The following DMD variants were observed in gnomAD, a reference collection of about 807,000 sequenced individuals.
DMD encodes dystrophin.
A neutral mutation model predicts 330.1 loss-of-function variants in DMD; 63 were observed. The observed-to-expected ratio is 0.19, with a 90% CI of 0.16 to 0.24. The LOEUF (loss-of-function observed/expected upper bound fraction) is 0.24. Among genes scored for constraint, DMD ranks in the 10% least tolerant of loss-of-function variants. DMD has a pLI of 1.00. For synonymous variants in DMD, 1,223 were observed against 959.8 expected (o/e 1.27, Z -5.07); for missense variants, 3,344 against 2,684.1 (o/e 1.25, Z -5.43).
At chrX:33,150,935 T>C (rs1432716732) in intron 1 of DMD, among the ~76,000 whole-genome samples, 1 of 111,707 alleles carries the variant, frequency 9.0e-6, no homozygotes, top group Non-Finnish European at 1.9e-5. Context: ...ATAGACTATT[T>C]TGAAGCAAAG....
At chrX:32,895,205 A>G (rs1393793151) in intron 2 of DMD, among the ~76,000 whole-genome samples, 1 of 112,428 alleles carries the variant, frequency 8.9e-6, no homozygotes, top group Non-Finnish European at 1.9e-5. Context: ...GGGCTTCAGC[A>G]TATGAATTTG....
intron 48 of DMD, among the ~76,000 whole-genome samples, chrX:31,853,614 G>A (rs1243716857): frequency 9.0e-6 from 1 of 111,369 alleles, no homozygotes; most frequent in African/African-American, 3.3e-5. Context: ...CCATCTGTAT[G>A]AGAATTTGTA....
chrX:32,263,235 A>T (rs2097330816), intron 43 of DMD, among the ~76,000 whole-genome samples: 1 of 112,310 alleles, frequency 8.9e-6, no homozygotes, highest in Non-Finnish European at 1.9e-5. Context: ...GCTAGATTTC[A>T]GGGAAAAATA....
rs1343181038 is a variant in DMD at position 31,350,655 on chromosome X, GAGAGA to G, written c.9085-2026_9085-2022del. Among the ~76,000 whole-genome samples the G allele has an allele frequency of 4.9e-5, 4 of 80,964 alleles. No homozygotes were observed. In the East Asian group the frequency reaches 1.1e-3, roughly 23 times the overall value. The allele number at this position is 80,964 out of a possible 115,157, so 70.3% of individuals were successfully genotyped here. A position where few individuals can be genotyped will look rare whatever the true frequency, so the allele number is the denominator to read the frequency against. The stretch of plus-strand genomic sequence containing the variant: ...TGTGAGAGAGAGAGAGAGAGAGAGA[GAGAGA>G]AGAGAAGAGAAGCGATGCGGAACAA... On this transcript the variant is annotated intron_variant, in intron 60 of 78. Transcript: ENST00000357033.
chrX:32,448,750 T>C, intron 26 of DMD, 112 bp from the exon 27 acceptor site: 1 of 714,497 alleles, frequency 1.4e-6, no homozygotes, highest in Non-Finnish European at 2.0e-6. Flanking sequence ...GAATGAGAAT[T>C]ACAAAAATAA....
chrX:31,233,496 T>G (rs1055791536), intron 63 of DMD, among the ~76,000 whole-genome samples: 1 of 111,796 alleles, frequency 8.9e-6, no homozygotes, highest in South Asian at 3.8e-4. Context: ...GATTTTTTTT[T>G]TTAATGTTGT....
chrX:32,634,846 C>T (rs761584951), intron 11 of DMD, among the ~76,000 whole-genome samples: 24 of 111,940 alleles, frequency 2.1e-4, no homozygotes, highest in African/African-American at 7.5e-4. Context: ...GCTGCCCCAG[C>T]GGATGTCTCA....
chrX:31,242,993 G>A (rs764235746), intron 63 of DMD, among the ~76,000 whole-genome samples: 124 of 111,728 alleles, frequency 1.1e-3, no homozygotes, highest in Middle Eastern at 4.6e-3. Context: ...ATCACATCAT[G>A]AAGTCCGCTG....
At chrX:31,873,579 A>G (rs1290950631) in intron 48 of DMD, among the ~76,000 whole-genome samples, 3 of 112,184 alleles carry the variant, frequency 2.7e-5, no homozygotes, top group African/African-American at 6.5e-5. Context: ...AAACTACTCA[A>G]AAATGTTACT....
intron 43 of DMD, among the ~76,000 whole-genome samples, chrX:32,242,959 C>T (rs755445326): frequency 4.2e-5 from 3 of 71,158 alleles, no homozygotes; most frequent in Non-Finnish European, 8.2e-5. Flanking sequence ...GGAAAAGGAA[C>T]AGAAGGAAAG....
intron 15 of DMD, among the ~76,000 whole-genome samples, chrX:32,573,170 G>C (rs915938008): frequency 1.8e-5 from 2 of 111,677 alleles, no homozygotes; most frequent in African/African-American, 3.3e-5. Context: ...ACCGTCGCTT[G>C]TAACTCTCAC....
intron 55 of DMD, among the ~76,000 whole-genome samples, chrX:31,554,159 T>G (rs1332708500): frequency 8.9e-6 from 1 of 112,244 alleles, no homozygotes; most frequent in Non-Finnish European, 1.9e-5. Flanking sequence ...CTAAGAAACA[T>G]GTAGAAGAGC....
At chrX:32,647,061 C>A (rs1441585077) in intron 9 of DMD, among the ~76,000 whole-genome samples, 4 of 111,095 alleles carry the variant, frequency 3.6e-5, no homozygotes, top group Non-Finnish European at 7.5e-5. Flanking sequence ...ATAAAGGCAG[C>A]CTGAGAGATG....
chrX:31,680,832 G>T (rs1476745450), intron 52 of DMD, among the ~76,000 whole-genome samples: 3 of 111,572 alleles, frequency 2.7e-5, no homozygotes, highest in Non-Finnish European at 5.6e-5. Context: ...AAAATAAACA[G>T]GACTACATTA....
chrX:32,826,075 C>T (rs755364793), intron 4 of DMD, among the ~76,000 whole-genome samples: 107 of 111,657 alleles, frequency 9.6e-4, no homozygotes, highest in African/African-American at 3.4e-3. Flanking sequence ...AAACCAACGG[C>T]CAGCACATAA....
chrX:32,651,590 C>A (rs1305111415), intron 9 of DMD, among the ~76,000 whole-genome samples: 1 of 111,817 alleles, frequency 8.9e-6, no homozygotes, highest in African/African-American at 3.3e-5. Context: ...ATAATGCACG[C>A]AAGTCACAGA....
intron 9 of DMD, among the ~76,000 whole-genome samples, chrX:32,652,907 G>A (rs1379433060): frequency 2.7e-5 from 3 of 112,032 alleles, no homozygotes; most frequent in African/African-American, 6.5e-5. Flanking sequence ...TTTCTCTGAT[G>A]GCCAGTGATG....
chrX:32,641,741 G>A (rs1001420188), intron 11 of DMD, among the ~76,000 whole-genome samples: 6 of 110,619 alleles, frequency 5.4e-5, no homozygotes, highest in African/African-American at 1.6e-4. Flanking sequence ...TTCTCTAATC[G>A]CTAAACCAAG....
chrX:31,534,936 T>C (rs2074024915), intron 55 of DMD, among the ~76,000 whole-genome samples: 3 of 55,274 alleles, frequency 5.4e-5, no homozygotes, highest in Non-Finnish European at 9.3e-5. Flanking sequence ...ACAAGGGATG[T>C]GAAGGACCTC....
Sources: allele counts gnomAD v4.1 joint callset (sites outside exome capture counted in the v4.1 genomes callset), GRCh38; gene constraint gnomAD v4.1.1; transcripts MANE v1.5; gene names NCBI Gene and HGNC (gene_info 2026-07-23, HGNC 2026-07-21).